GALNTL6: variants seen among roughly 807,000 people sequenced by gnomAD.
GALNTL6 encodes the protein polypeptide N-acetylgalactosaminyltransferase-like 6.
GALNTL6 carries 46 observed loss-of-function variants against 73.7 expected under a neutral mutation model. The observed-to-expected ratio is 0.62, with a 90% CI of 0.49 to 0.80. The LOEUF is 0.80. GALNTL6 is among the 30% of genes least tolerant of loss of function. The pLI is 0.00. For missense variants in GALNTL6, 604 were observed against 755.0 expected (o/e 0.80, Z 2.34); for synonymous variants, 259 against 263.7 (o/e 0.98, Z 0.17).
intron 2 of GALNTL6, among the ~76,000 whole-genome samples, chr4:172,118,528 C>T (rs1349936387): frequency 2.0e-5 from 3 of 151,788 alleles, no homozygotes; most frequent in African/African-American, 4.8e-5. Context: ...GGTGAAACCC[C>T]GTCTCTACTA....
intron 2 of GALNTL6, among the ~76,000 whole-genome samples, chr4:171,992,298 T>C (rs62326165): frequency 2.0e-5 from 3 of 151,578 alleles, no homozygotes; most frequent in African/African-American, 7.3e-5. Context: ...TAATCCTGAG[T>C]ATATTTTTTA....
At chr4:172,798,175 C>T (rs62329191) in intron 5 of GALNTL6, among the ~76,000 whole-genome samples, 26,819 of 152,064 alleles carry the variant, frequency 0.18, 2,778 homozygotes, top group East Asian at 0.26. Flanking sequence ...AAACAAGTAA[C>T]AGAAAATGAT....
intron 10 of GALNTL6, among the ~76,000 whole-genome samples, chr4:172,964,356 A>C (rs950692491): frequency 1.2e-4 from 18 of 152,248 alleles, no homozygotes; most frequent in Non-Finnish European, 8.8e-5. Context: ...TAAAAGATGT[A>C]AAATAGACAA....
chr4:171,954,752 G>A (rs1474657895), intron 2 of GALNTL6, among the ~76,000 whole-genome samples: 1 of 152,120 alleles, frequency 6.6e-6, no homozygotes, highest in Non-Finnish European at 1.5e-5. Context: ...GGGGCATGGT[G>A]AGAGGTGATT....
At chr4:172,892,724 G>A (rs1298405657) in intron 8 of GALNTL6, among the ~76,000 whole-genome samples, 4 of 151,810 alleles carry the variant, frequency 2.6e-5, no homozygotes, top group South Asian at 4.2e-4. Flanking sequence ...GGAGATGGGG[G>A]GCAAGAGATG....
intron 10 of GALNTL6, among the ~76,000 whole-genome samples, chr4:172,955,818 A>AG (rs1361835960): frequency 2.3e-5 from 3 of 131,848 alleles, no homozygotes; most frequent in East Asian, 2.3e-4. Context: ...TTACAGTCAA[A>AG]GGGGGGGTTG....
chr4:172,540,076 G>A (rs1735496173), intron 5 of GALNTL6, among the ~76,000 whole-genome samples: 1 of 141,914 alleles, frequency 7.0e-6, no homozygotes, highest in South Asian at 2.2e-4. Context: ...TTTTGAGAGA[G>A]TGTCTTGCTC....
intron 5 of GALNTL6, among the ~76,000 whole-genome samples, chr4:172,466,799 A>C (rs1433273281): frequency 6.6e-6 from 1 of 152,244 alleles, no homozygotes; most frequent in East Asian, 1.9e-4. Flanking sequence ...GTGAGACTTT[A>C]GATAACTAGT....
intron 5 of GALNTL6, among the ~76,000 whole-genome samples, chr4:172,414,354 C>T (rs1164624108): frequency 2.0e-5 from 3 of 151,992 alleles, no homozygotes; most frequent in Non-Finnish European, 4.4e-5. Context: ...CACATATTTC[C>T]AACTTATATG....
intron 3 of GALNTL6, among the ~76,000 whole-genome samples, chr4:172,247,294 C>A (rs926077078): frequency 2.0e-5 from 3 of 152,180 alleles, no homozygotes; most frequent in African/African-American, 7.2e-5. Flanking sequence ...CCTGAAGCCA[C>A]ATATCATCAT....
intron 5 of GALNTL6, among the ~76,000 whole-genome samples, chr4:172,481,882 C>T (rs908130660): frequency 6.6e-6 from 1 of 152,222 alleles, no homozygotes; most frequent in African/African-American, 2.4e-5. Flanking sequence ...CAACACAGTA[C>T]CTGCACTCCT....
At chr4:172,307,144 T>C (rs1025632568) in intron 3 of GALNTL6, among the ~76,000 whole-genome samples, 8 of 152,206 alleles carry the variant, frequency 5.3e-5, no homozygotes, top group Non-Finnish European at 1.2e-4. Context: ...GATTTTTAAA[T>C]TGTGGCCATT....
rs543185895 is a variant in GALNTL6, at chr4:171,954,049, C to T, written c.138+139331C>T. Among the ~76,000 whole-genome samples the T allele has an allele frequency of 7.2e-5, 11 of 152,240 alleles. No homozygotes were observed. The East Asian group carries it at 2.1e-3, about 29-fold the overall frequency. On this transcript the variant is annotated intron_variant, in intron 2 of 12. Coordinates refer to ENST00000506823, the MANE Select transcript of GALNTL6 (RefSeq NM_001034845.3). ...CCTTATGGACCAGAAAATCTACTCACAAATATAATGTGAGGAGTGGTTTTC... is the reference window on the plus strand; with the variant it reads ...CCTTATGGACCAGAAAATCTACTCATAAATATAATGTGAGGAGTGGTTTTC...
chr4:172,004,155 C>A (rs1470043936), intron 2 of GALNTL6, among the ~76,000 whole-genome samples: 1 of 152,140 alleles, frequency 6.6e-6, no homozygotes, highest in Non-Finnish European at 1.5e-5. Flanking sequence ...ATAATTTATT[C>A]TTTGGTGCCA....
chr4:172,435,873 T>C (rs1253433510), intron 5 of GALNTL6, among the ~76,000 whole-genome samples: 2 of 152,140 alleles, frequency 1.3e-5, no homozygotes, highest in Admixed American at 6.6e-5. Flanking sequence ...GTATTATCTG[T>C]AAAAGTAAAT....
chr4:172,377,872 G>C (rs1313884277), intron 5 of GALNTL6, among the ~76,000 whole-genome samples: 7 of 152,008 alleles, frequency 4.6e-5, no homozygotes, highest in African/African-American at 1.7e-4. Flanking sequence ...AATTCACGCT[G>C]GCCCGCGAGC....
intron 7 of GALNTL6, among the ~76,000 whole-genome samples, chr4:172,822,406 A>C (rs1280169839): frequency 6.6e-6 from 1 of 152,262 alleles, no homozygotes; most frequent in Middle Eastern, 3.4e-3. Context: ...CTGTTCATCC[A>C]TCCTGAAAGA....
chr4:172,583,003 A>G (rs979533283), intron 5 of GALNTL6, among the ~76,000 whole-genome samples: 1 of 152,194 alleles, frequency 6.6e-6, no homozygotes, highest in African/African-American at 2.4e-5. Context: ...CAGGGACTAC[A>G]TCAATGCCAT....
At chr4:172,658,019 G>A (rs1333909292) in intron 5 of GALNTL6, among the ~76,000 whole-genome samples, 5 of 145,778 alleles carry the variant, frequency 3.4e-5, no homozygotes, top group Admixed American at 6.9e-5. Context: ...GCGTAGTGGC[G>A]GGCGCCTGTA....
Sources: allele counts gnomAD v4.1 joint callset (sites outside exome capture counted in the v4.1 genomes callset), GRCh38; gene constraint gnomAD v4.1.1; transcripts MANE v1.5; gene names NCBI Gene and HGNC (gene_info 2026-07-23, HGNC 2026-07-21).